SLC39A11: variants seen among roughly 807,000 people sequenced by gnomAD.
SLC39A11 encodes the protein zinc transporter ZIP11.
A neutral mutation model predicts 36.1 loss-of-function variants in SLC39A11; 33 were observed. The observed-to-expected ratio is 0.91, with a 90% CI of 0.69 to 1.22. The LOEUF is 1.22. Among genes scored for constraint, SLC39A11 ranks in the 50% most tolerant of loss-of-function variants. The pLI is 0.00. For synonymous variants in SLC39A11, 166 were observed against 170.3 expected, an observed-to-expected ratio of 0.97 and a Z score of 0.20; for missense variants, 432 against 430.3, an observed-to-expected ratio of 1.00 and a Z score of -0.03.
intron 3 of SLC39A11, among the ~76,000 whole-genome samples, chr17:73,076,409 C>T (rs1472516456): frequency 6.6e-6 from 1 of 152,176 alleles, no homozygotes; most frequent in African/African-American, 2.4e-5. Context: ...TACAGAAACA[C>T]CTATTTTGGT....
intron 6 of SLC39A11, among the ~76,000 whole-genome samples, chr17:72,782,475 ACT>A (rs1272272597): frequency 6.6e-6 from 1 of 151,970 alleles, no homozygotes; most frequent in African/African-American, 2.4e-5. Context: ...CTAGGGACAG[ACT>A]CTGAAGTTTG....
chr17:73,038,279 A>T (rs1435703222), intron 3 of SLC39A11, among the ~76,000 whole-genome samples: 1 of 152,186 alleles, frequency 6.6e-6, no homozygotes, highest in Non-Finnish European at 1.5e-5. Context: ...TAAGGAGGAA[A>T]TGAAAAAACA....
intron 5 of SLC39A11, among the ~76,000 whole-genome samples, chr17:72,887,577 T>A (rs1329969665): frequency 6.6e-6 from 1 of 152,232 alleles, no homozygotes; most frequent in African/African-American, 2.4e-5. Flanking sequence ...ACGAGAACAG[T>A]CGCAGCCATG....
At chr17:72,828,812 G>A (rs190713033) in intron 6 of SLC39A11, among the ~76,000 whole-genome samples, 11 of 152,242 alleles carry the variant, frequency 7.2e-5, no homozygotes, top group African/African-American at 1.9e-4. Context: ...CTCTGACACC[G>A]CTCCACTGTC....
chr17:72,657,278 T>C (rs1385473446), intron 7 of SLC39A11, among the ~76,000 whole-genome samples: 1 of 152,122 alleles, frequency 6.6e-6, no homozygotes, highest in Non-Finnish European at 1.5e-5. Flanking sequence ...GAGAATCGCT[T>C]GAACCCGGGA....
Position 72,865,925 on chromosome 17 carries a change from G to A in SLC39A11, c.431-16121C>T, listed in dbSNP as rs115137980. Among the ~76,000 whole-genome samples the A allele has an allele frequency of 9.9e-3, 1,512 of 152,202 alleles. 22 individuals are homozygous for A. The highest frequency in any genetic ancestry group is 0.034 in the African/African-American group (1,410 of 41,522). On this transcript the variant is annotated intron_variant, in intron 5 of 9. Coordinates refer to ENST00000255559, the MANE Select transcript of SLC39A11 (RefSeq NM_139177.4). ...AACTCAACAGACAAATTAGATAGTCGGATATTGGCTCAATGACTAACCAAT... is the reference window on the plus strand; with the variant it reads ...AACTCAACAGACAAATTAGATAGTCAGATATTGGCTCAATGACTAACCAAT...
intron 5 of SLC39A11, among the ~76,000 whole-genome samples, chr17:72,880,817 G>T (rs1010034864): frequency 4.8e-5 from 7 of 145,288 alleles, no homozygotes; most frequent in Non-Finnish European, 7.5e-5. Flanking sequence ...GAGTAGCTGG[G>T]ACTACAGGCG....
intron 6 of SLC39A11, among the ~76,000 whole-genome samples, chr17:72,763,138 C>T (rs2075648470): frequency 6.6e-6 from 1 of 152,126 alleles, no homozygotes; most frequent in African/African-American, 2.4e-5. Flanking sequence ...GAGAAGCTCC[C>T]AACAGGATTT....
chr17:72,888,107 G>C (rs546049674), intron 5 of SLC39A11, among the ~76,000 whole-genome samples: 1 of 152,190 alleles, frequency 6.6e-6, no homozygotes, highest in African/African-American at 2.4e-5. Context: ...ATTCTTCCCA[G>C]AGTCGTATGA....
At chr17:73,080,485 T>G (rs1437907507) in intron 3 of SLC39A11, among the ~76,000 whole-genome samples, 1 of 152,018 alleles carries the variant, frequency 6.6e-6, no homozygotes, top group African/African-American at 2.4e-5. Context: ...AAAATCAACT[T>G]AAGATGGATC....
chr17:72,892,585 TC>T (rs567584501), intron 5 of SLC39A11, among the ~76,000 whole-genome samples: 25 of 152,254 alleles, frequency 1.6e-4, no homozygotes, highest in Admixed American at 1.1e-3. Context: ...AGAGTCTATT[TC>T]CCCACTGATT....
At chr17:72,936,411 TAAAAAAAAAAAAAA>T (rs746428868) in intron 5 of SLC39A11, among the ~76,000 whole-genome samples, 21 of 73,448 alleles carry the variant, frequency 2.9e-4, no homozygotes, top group African/African-American at 2.5e-4. Flanking sequence ...TGAAAAAAAG[TAAAAAAAAAAAAAA>T]AAAAAAAAAA....
intron 4 of SLC39A11, among the ~76,000 whole-genome samples, chr17:72,952,122 G>T (rs142464334): frequency 6.6e-6 from 1 of 152,176 alleles, no homozygotes; most frequent in Admixed American, 6.5e-5. Flanking sequence ...AACAACCAGG[G>T]TCAGCTATGC....
Position 72,794,146 on chromosome 17 carries a change from C to T in SLC39A11, c.601+55488G>A, listed in dbSNP as rs12452735. The stretch of plus-strand genomic sequence containing the variant: ...TTTTGCACCTTGGAGCTGATGGGAA[C>T]GCCTGGGAACAGTCACTGTACACAG... On this transcript the variant is annotated intron_variant, in intron 6 of 9. Transcript: ENST00000255559. 5.7e-3 allele frequency among the ~76,000 whole-genome samples: 869 copies of T among 152,252 alleles called. 6 individuals carry two copies. Among genetic ancestry groups the T allele is most frequent in the Middle Eastern group, 0.014 (4 of 294 alleles).
chr17:72,708,178 A>G (rs1454177851), intron 7 of SLC39A11, among the ~76,000 whole-genome samples: 1 of 152,202 alleles, frequency 6.6e-6, no homozygotes, highest in Non-Finnish European at 1.5e-5. Flanking sequence ...GGAGGTGCCC[A>G]GATATTTGGT....
chr17:72,709,355 C>A lies in SLC39A11; in HGVS notation c.671+27295G>T, dbSNP rs78225178. 2.5e-3 allele frequency among the ~76,000 whole-genome samples: 385 copies of A among 152,308 alleles called. 10 individuals are homozygous for A. The East Asian group carries it at 0.065, about 26-fold the overall frequency. On this transcript the variant is annotated intron_variant, in intron 7 of 9. Coordinates refer to ENST00000255559, the MANE Select transcript of SLC39A11 (RefSeq NM_139177.4). ...TCCAGTGATCCTCCCACCTCAGCCT[C>A]CCAAAGTGCTGGGAATACAAGTGCA...
chr17:73,008,160 T>G (rs1598828707), intron 4 of SLC39A11, among the ~76,000 whole-genome samples: 1 of 76,930 alleles, frequency 1.3e-5, no homozygotes, highest in Non-Finnish European at 4.3e-5. Context: ...TGTTGTTTTT[T>G]TTTTGTTTTT....
At chr17:72,830,329 A>ATT (rs35014357) in intron 6 of SLC39A11, among the ~76,000 whole-genome samples, 145 of 149,526 alleles carry the variant, frequency 9.7e-4, no homozygotes, top group Middle Eastern at 6.9e-3. Flanking sequence ...ATGACTGTGT[A>ATT]TTTTTTTTTT....
chr17:72,981,866 G>C (rs1217430947), intron 4 of SLC39A11, among the ~76,000 whole-genome samples: 2 of 152,058 alleles, frequency 1.3e-5, no homozygotes, highest in African/African-American at 4.8e-5. Context: ...GAACAGAAAA[G>C]TAAGAGAAAG....
Sources: allele counts gnomAD v4.1 joint callset (sites outside exome capture counted in the v4.1 genomes callset), GRCh38; gene constraint gnomAD v4.1.1; transcripts MANE v1.5; gene names NCBI Gene and HGNC (gene_info 2026-07-23, HGNC 2026-07-21).